TMCC1: variants seen among roughly 807,000 people sequenced by gnomAD.
The protein encoded by TMCC1 is transmembrane and coiled-coil domain family 1, also known as transmembrane and coiled-coil domains protein 1.
A neutral mutation model predicts 52.4 loss-of-function variants in TMCC1; 15 were observed. The ratio of observed to expected loss-of-function variants is 0.29; its 90% CI spans 0.19 to 0.44. The LOEUF (loss-of-function observed/expected upper bound fraction) is 0.44. Among genes scored for constraint, TMCC1 ranks in the 20% least tolerant of loss-of-function variants. The pLI is 1.00. For missense variants in TMCC1, 503 were observed against 806.0 expected (o/e 0.62, Z 4.55); for synonymous variants, 279 against 301.9 (o/e 0.92, Z 0.79).
At chr3:129,876,719 C>CT (rs1418040280) in intron 2 of TMCC1, among the ~76,000 whole-genome samples, 1 of 152,152 alleles carries the variant, frequency 6.6e-6, no homozygotes, top group Non-Finnish European at 1.5e-5. Flanking sequence ...CTTTTGGAGG[C>CT]TGAGGCGGGA....
At chr3:129,852,200 TA>T (rs1437481128) in intron 2 of TMCC1, among the ~76,000 whole-genome samples, 1 of 152,074 alleles carries the variant, frequency 6.6e-6, no homozygotes, top group Non-Finnish European at 1.5e-5. Flanking sequence ...CTCATGCCTG[TA>T]ACCTCAACAC....
At chr3:129,890,737 C>T (rs2061929353) in intron 1 of TMCC1, among the ~76,000 whole-genome samples, 1 of 152,230 alleles carries the variant, frequency 6.6e-6, no homozygotes, top group Non-Finnish European at 1.5e-5. Context: ...CTCAGCCTTT[C>T]ATATTCGTAA....
At chr3:129,842,477 A>ACAC (rs1560529071) in intron 2 of TMCC1, among the ~76,000 whole-genome samples, 2 of 147,650 alleles carry the variant, frequency 1.4e-5, no homozygotes, top group African/African-American at 5.0e-5. Flanking sequence ...AAAAAAACAA[A>ACAC]ACACACACAC....
intron 6 of TMCC1, among the ~76,000 whole-genome samples, chr3:129,654,439 C>CT (rs1482601793): frequency 6.6e-6 from 1 of 152,130 alleles, no homozygotes; most frequent in African/African-American, 2.4e-5. Flanking sequence ...TATGAAACCA[C>CT]TAAGAACTAT....
chr3:129,712,203 C>T (rs1332579435), intron 4 of TMCC1, among the ~76,000 whole-genome samples: 1 of 151,754 alleles, frequency 6.6e-6, no homozygotes, highest in East Asian at 1.9e-4. Flanking sequence ...TAAAGAAATC[C>T]TAGATCGAAT....
chr3:129,859,448 G>A (rs949382160), intron 2 of TMCC1, among the ~76,000 whole-genome samples: 2 of 152,068 alleles, frequency 1.3e-5, no homozygotes, highest in African/African-American at 4.8e-5. Context: ...AACAGCCTGG[G>A]CAACATAGCA....
At chr3:129,671,402 G>T in intron 4 of TMCC1, 138 bp from the exon 5 acceptor site, 2 of 894,746 alleles carry the variant, frequency 2.2e-6, no homozygotes, top group Non-Finnish European at 3.3e-6. Flanking sequence ...CTTGTCCTAT[G>T]CCAGCCCTGT....
At chr3:129,822,142 T>C (rs2058452661) in intron 4 of TMCC1, among the ~76,000 whole-genome samples, 1 of 152,214 alleles carries the variant, frequency 6.6e-6, no homozygotes, top group African/African-American at 2.4e-5. Context: ...GTTATTATTT[T>C]GTTTAGACAT....
intron 4 of TMCC1, among the ~76,000 whole-genome samples, chr3:129,726,868 C>CAGAAAAAAAAAAAAA (rs2050134810): frequency 2.3e-4 from 3 of 12,814 alleles, no homozygotes; most frequent in Non-Finnish European, 3.1e-4. Context: ...GACTCTGTCT[C>CAGAAAAAAAAAAAAA]AAAAAAAAAA....
chr3:129,869,781 G>A (rs1457433062), intron 2 of TMCC1, among the ~76,000 whole-genome samples: 1 of 152,188 alleles, frequency 6.6e-6, no homozygotes, highest in Non-Finnish European at 1.5e-5. Context: ...AAGCAATGCT[G>A]TCAAGAACAG....
chr3:129,675,302 T>C (rs2088320286), intron 4 of TMCC1, among the ~76,000 whole-genome samples: 1 of 152,262 alleles, frequency 6.6e-6, no homozygotes, highest in Admixed American at 6.5e-5. Flanking sequence ...CTCCATATAG[T>C]ACAGTAGTGA....
rs1159264415 is a variant in TMCC1 at position 129,738,983 on chromosome 3, A to T, written c.577-67719T>A. Among the ~76,000 whole-genome samples, 3 of 151,678 alleles carry T rather than the reference A, an allele frequency of 2.0e-5. No individual in the cohort carries two copies. The East Asian group carries it at 5.8e-4, about 29-fold the overall frequency. On this transcript the variant is annotated intron_variant, in intron 4 of 6. Coordinates refer to ENST00000393238, the MANE Select transcript of TMCC1 (RefSeq NM_001017395.5). ...AGGCACGCGCCACCACGCCCAGCTA[A>T]TTTTTGTATTTTTTGTAGAGATGGG...
At chr3:129,834,095 A>C (rs1315549662) in intron 2 of TMCC1, among the ~76,000 whole-genome samples, 1 of 152,236 alleles carries the variant, frequency 6.6e-6, no homozygotes, top group Non-Finnish European at 1.5e-5. Context: ...ATTACCATTA[A>C]AAGTCAGGAA....
intron 2 of TMCC1, among the ~76,000 whole-genome samples, chr3:129,840,706 C>T (rs1350574493): frequency 6.6e-6 from 1 of 152,186 alleles, no homozygotes; most frequent in Non-Finnish European, 1.5e-5. Flanking sequence ...CAGTTCCCCA[C>T]CCCACTCCTG....
chr3:129,821,426 A>T (rs749687159), intron 4 of TMCC1, among the ~76,000 whole-genome samples: 25 of 152,250 alleles, frequency 1.6e-4, no homozygotes, highest in Non-Finnish European at 2.9e-4. Flanking sequence ...TAGACACTCA[A>T]ATATTTGTTA....
At chr3:129,822,834 TG>T (rs2058483527) in intron 4 of TMCC1, among the ~76,000 whole-genome samples, 1 of 152,178 alleles carries the variant, frequency 6.6e-6, no homozygotes, top group African/African-American at 2.4e-5. Flanking sequence ...TCTATGAGTC[TG>T]GTAGTCACTT....
intron 4 of TMCC1, among the ~76,000 whole-genome samples, chr3:129,673,113 AAG>A (rs2088101847): frequency 6.6e-6 from 1 of 152,194 alleles, no homozygotes. Flanking sequence ...TAGTGAATAA[AAG>A]AGAATATCTG....
Position 129,679,901 on chromosome 3 carries a change from A to G in TMCC1, c.577-8637T>C, listed in dbSNP as rs561313150. On this transcript the variant is annotated intron_variant, in intron 4 of 6. Coordinates refer to ENST00000393238, the MANE Select transcript of TMCC1 (RefSeq NM_001017395.5). ...TGGGTGTGCTATGTTCCACTCTTTCATTAGAATCTGAAGTGTTTCCATTTA... is the reference window on the plus strand; with the variant it reads ...TGGGTGTGCTATGTTCCACTCTTTCGTTAGAATCTGAAGTGTTTCCATTTA... Among the ~76,000 whole-genome samples the G allele has an allele frequency of 2.4e-4, 36 of 152,174 alleles. 1 individual carries two copies. Among genetic ancestry groups the G allele is most frequent in the Non-Finnish European group, 3.4e-4 (23 of 68,012 alleles).
At chr3:129,693,717 C>T (rs530450623) in intron 4 of TMCC1, among the ~76,000 whole-genome samples, 2 of 152,184 alleles carry the variant, frequency 1.3e-5, no homozygotes, top group Non-Finnish European at 2.9e-5. Flanking sequence ...CCTTAAACTA[C>T]TTCTAACCCA....
Sources: gnomAD v4.1 joint callset for allele counts (sites outside exome capture counted in the v4.1 genomes callset) on GRCh38, gnomAD v4.1.1 for gene constraint, MANE v1.5 for transcripts, NCBI Gene and HGNC (gene_info 2026-07-23, HGNC 2026-07-21) for gene names.